TCEA2: variants seen among roughly 807,000 people sequenced by gnomAD.
The protein encoded by TCEA2 is transcription elongation factor A protein 2.
In TCEA2, 21 loss-of-function variants were observed where a neutral mutation model predicts 40.8. The observed-to-expected ratio is 0.51, with a 90% CI of 0.36 to 0.74. The LOEUF (loss-of-function observed/expected upper bound fraction) is 0.74. TCEA2 is among the 30% of genes least tolerant of loss of function. TCEA2 has a pLI of 0.00. For missense variants in TCEA2, 326 were observed against 426.5 expected, an observed-to-expected ratio of 0.76 and a Z score of 2.08; for synonymous variants, 165 against 162.7, an observed-to-expected ratio of 1.01 and a Z score of -0.11.
chr20:64,056,559 C>CT (rs2059475465), upstream of TCEA2, among the ~76,000 whole-genome samples: 1 of 151,248 alleles, frequency 6.6e-6, no homozygotes, highest in Admixed American at 6.6e-5. Context: ...CTGCAGGATC[C>CT]CCAGCCCCCG....
intron 1 of TCEA2, among the ~76,000 whole-genome samples, chr20:64,065,138 G>C (rs1215548224): frequency 6.6e-6 from 1 of 152,182 alleles, no homozygotes; most frequent in Non-Finnish European, 1.5e-5. Flanking sequence ...CAGGTGTGGG[G>C]GTTTTTTTGC....
chr20:64,058,955 C>T (rs2059511530), upstream of TCEA2, among the ~76,000 whole-genome samples: 2 of 152,126 alleles, frequency 1.3e-5, no homozygotes, highest in South Asian at 4.1e-4. This position sits in a 1 kb window ranked among gnomAD's most constrained non-coding sequence, Gnocchi z 6.7. Flanking sequence ...CTTTGGGAGG[C>T]CGAGGCGGGT....
Position 64,071,855 on chromosome 20 carries a change from C to G in TCEA2, c.820-15C>G, listed in dbSNP as rs767475110. On this transcript the variant is annotated splice_polypyrimidine_tract_variant and intron_variant, in intron 8 of 9. Coordinates refer to ENST00000343484, the MANE Select transcript of TCEA2 (RefSeq NM_003195.6). ...GCATGGAGGTGACCCTGGGTTCACCCAGCCCTGTTCACAGGTGCAGACCCG... is the reference window on the plus strand; with the variant it reads ...GCATGGAGGTGACCCTGGGTTCACCGAGCCCTGTTCACAGGTGCAGACCCG... The G allele has an allele frequency of 1.2e-6, 2 of 1,613,710 alleles. No homozygotes were observed. Among genetic ancestry groups the G allele is most frequent in the Admixed American group, 1.7e-5 (1 of 60,000 alleles).
At chr20:64,063,471 C>T in intron 1 of TCEA2, 87 bp downstream of exon 1, 1 of 1,421,384 alleles carries the variant, frequency 7.0e-7, no homozygotes, top group South Asian at 1.2e-5. Flanking sequence ...GGCCGGAAGA[C>T]GACCTGAGGG....
chr20:64,071,120 C>G (rs1314753803), intron 8 of TCEA2, among the ~76,000 whole-genome samples: 1 of 152,140 alleles, frequency 6.6e-6, no homozygotes, highest in Non-Finnish European at 1.5e-5. Flanking sequence ...GAGGCCGAGG[C>G]AGGCGGATAA....
upstream of TCEA2, among the ~76,000 whole-genome samples, chr20:64,056,540 C>T (rs1308414770): frequency 1.5e-5 from 1 of 66,928 alleles, no homozygotes; most frequent in African/African-American, 6.6e-5. Flanking sequence ...GGGGTGGGGG[C>T]TCCTGGGGCT....
At chr20:64,067,194 T>C (rs1226275832) in intron 3 of TCEA2, among the ~76,000 whole-genome samples, 174 bp downstream of exon 3, 1 of 152,134 alleles carries the variant, frequency 6.6e-6, no homozygotes, top group Non-Finnish European at 1.5e-5. Flanking sequence ...TGGCAGTGGA[T>C]CAGTGGGTGC....
At chr20:64,071,348 TAAAA>T (rs1250251990) in intron 8 of TCEA2, among the ~76,000 whole-genome samples, 3 of 141,276 alleles carry the variant, frequency 2.1e-5, no homozygotes, top group Admixed American at 2.1e-4. Flanking sequence ...ACTCCGTCTT[TAAAA>T]AAAAAAAAAA....
Position 64,072,227 on chromosome 20 carries a change from T to G in TCEA2, c.*47T>G. On this transcript the variant is annotated 3_prime_UTR_variant, in exon 10 of 10. Coordinates refer to ENST00000343484, the MANE Select transcript of TCEA2 (RefSeq NM_003195.6). ...AGCCTTGGGCCCTCCCCGGCCCACG[T>G]CCTCCGTTGACACAGCTTCTCTGGA... is the stretch of plus-strand genomic sequence containing the variant. The G allele has an allele frequency of 6.3e-7, 1 of 1,595,306 alleles. No individual in the cohort carries two copies. The highest frequency in any genetic ancestry group is 8.6e-7 in the Non-Finnish European group (1 of 1,165,906).
At chr20:64,061,096 CTTTTTTTTT>C (rs71197441), upstream of TCEA2, among the ~76,000 whole-genome samples, 2 of 60,522 alleles carry the variant, frequency 3.3e-5, no homozygotes, top group Non-Finnish European at 5.7e-5. Context: ...CAGCCTGAGT[CTTTTTTTTT>C]TTTTTTTTTT....
upstream of TCEA2, among the ~76,000 whole-genome samples, chr20:64,059,120 G>A (rs1212725074): frequency 6.6e-6 from 1 of 151,426 alleles, no homozygotes; most frequent in African/African-American, 2.4e-5. Flanking sequence ...TTGAACCTGG[G>A]ATGCGGAGGT....
At chr20:64,070,438 G>C in intron 7 of TCEA2, 24 bp downstream of exon 7, 1 of 1,613,930 alleles carries the variant, frequency 6.2e-7, no homozygotes, top group Non-Finnish European at 8.5e-7. Flanking sequence ...GGAGGGGCTG[G>C]AGGGCTGCTC....
intron 1 of TCEA2, among the ~76,000 whole-genome samples, chr20:64,064,783 T>C (rs947947842): frequency 6.6e-6 from 1 of 152,112 alleles, no homozygotes; most frequent in Non-Finnish European, 1.5e-5. Flanking sequence ...CATCATTGCG[T>C]TCACACACAC....
chr20:64,070,566 C>T lies in TCEA2; in HGVS notation c.750C>T (p.Arg250=), dbSNP rs2059804782. Residue 250 remains arginine (R), a synonymous_variant, in exon 8 of 10, where the codon CGC becomes CGT. Transcript: ENST00000343484. The stretch of plus-strand genomic sequence containing the variant: ...CCATCCGAGAGCACCAGATGGCCCG[C>T]ACTGGCGGCACGCAGACAGACCTGT... ...KEAIREHQMA[R]TGGTQTDLFT... The T allele has an allele frequency of 1.2e-6, 2 of 1,613,668 alleles. No individual in the cohort carries two copies. Among genetic ancestry groups the T allele is most frequent in the African/African-American group, 1.3e-5 (1 of 74,948 alleles).
intron 4 of TCEA2, 55 bp downstream of exon 4, chr20:64,068,189 G>T: frequency 6.7e-7 from 1 of 1,482,750 alleles, no homozygotes; most frequent in South Asian, 1.2e-5. Context: ...CTGTTTCCTT[G>T]CCAGAGAAAG....
chr20:64,068,914 G>T (rs1448647025), intron 4 of TCEA2, among the ~76,000 whole-genome samples: 17 of 152,368 alleles, frequency 1.1e-4, no homozygotes, highest in African/African-American at 3.6e-4. Context: ...GGGCGGCCCC[G>T]CCTTGTCTCC....
chr20:64,069,693 G>T (rs1272782650), intron 5 of TCEA2, 72 bp from the exon 6 acceptor site: 30 of 1,565,978 alleles, frequency 1.9e-5, no homozygotes, highest in South Asian at 1.7e-4. Flanking sequence ...AGCTGCCAGG[G>T]TGTTTTGCAG....
intron 8 of TCEA2, 109 bp from the exon 9 acceptor site, chr20:64,071,761 T>C: frequency 7.5e-7 from 1 of 1,330,064 alleles, no homozygotes; most frequent in South Asian, 1.4e-5. Context: ...TCGGATCAGG[T>C]CACCTGTGGG....
At position 64,072,161 on chromosome 20, in the gene TCEA2, C is replaced by G; in HGVS notation, c.892-11C>G. 1 of 1,613,676 alleles carries G rather than the reference C, an allele frequency of 6.2e-7. No individual in the cohort carries two copies. ...GCCACAAGGCTGGAGGCCTCACCCCCTTTCTCGCAGTTCTGCTGACCCCTC... is the reference window on the plus strand; with the variant it reads ...GCCACAAGGCTGGAGGCCTCACCCCGTTTCTCGCAGTTCTGCTGACCCCTC... On this transcript the variant is annotated splice_polypyrimidine_tract_variant and intron_variant, in intron 9 of 9. Coordinates refer to ENST00000343484, the MANE Select transcript of TCEA2 (RefSeq NM_003195.6).
Sources: gnomAD v4.1 joint callset for allele counts (sites outside exome capture counted in the v4.1 genomes callset) on GRCh38, gnomAD v4.1.1 for gene constraint, Gnocchi (gnomAD v3.1) non-coding constraint, MANE v1.5 for transcripts, NCBI Gene and HGNC (gene_info 2026-07-23, HGNC 2026-07-21) for gene names.